Variants in RTF2 observed in about 807,000 individuals in gnomAD.
RTF2 encodes replication termination factor 2.
In RTF2, 18 loss-of-function variants were observed where a neutral mutation model predicts 38.0. The ratio of observed to expected loss-of-function variants is 0.47; its 90% CI spans 0.33 to 0.70. The LOEUF (loss-of-function observed/expected upper bound fraction) is 0.70. Ranked by LOEUF, RTF2 falls within the 30% of genes least tolerant of loss-of-function variation. The probability of loss-of-function intolerance (pLI) is 0.02; values close to 1 mark genes in which losing one functional copy is unlikely to be tolerated. For missense variants in RTF2, 311 were observed against 379.6 expected, an observed-to-expected ratio of 0.82 and a Z score of 1.50; for synonymous variants, 126 against 137.1, an observed-to-expected ratio of 0.92 and a Z score of 0.57.
chr20:56,517,877 G>A (rs1985151533), intron 8 of RTF2, among the ~76,000 whole-genome samples: 1 of 152,154 alleles, frequency 6.6e-6, no homozygotes, highest in African/African-American at 2.4e-5. Flanking sequence ...TGGGACCAGT[G>A]TCTGCGACAG....
At chr20:56,489,999 TTTTCCATATGTGC>T (rs1433210843) in intron 5 of RTF2, among the ~76,000 whole-genome samples, 1 of 152,188 alleles carries the variant, frequency 6.6e-6, no homozygotes, top group Non-Finnish European at 1.5e-5. Flanking sequence ...AGTCTTAATA[TTTTCCATATGTGC>T]TTTCCTTGGA....
In RTF2 at chr20:56,485,102, A is replaced by G. The variant is rs368157951; in HGVS notation, c.477+913A>G. ...ATTGGAGAGAGAGACCCTCAAGTAG[A>G]TGAGCAAGGCAGAATCGATTGTGAC... On this transcript the variant is annotated intron_variant, in intron 5 of 8. Transcript: ENST00000357348. Among the ~76,000 whole-genome samples the G allele has an allele frequency of 6.4e-4, 98 of 152,224 alleles. 2 individuals carry two copies. The South Asian group carries it at 0.018, about 27-fold the overall frequency.
chr20:56,513,041 T>C (rs1360925190), intron 5 of RTF2, among the ~76,000 whole-genome samples: 1 of 152,174 alleles, frequency 6.6e-6, no homozygotes, highest in Admixed American at 6.5e-5. Flanking sequence ...CAAGCTACTC[T>C]TGTCAGTTAA....
At chr20:56,499,630 A>C (rs146689146) in intron 5 of RTF2, among the ~76,000 whole-genome samples, 3 of 152,304 alleles carry the variant, frequency 2.0e-5, no homozygotes, top group African/African-American at 7.2e-5. Context: ...TCCTATAAGA[A>C]TTTTGATTAA....
chr20:56,491,682 G>C (rs1983149238), intron 5 of RTF2: 1 of 1,552,134 alleles, frequency 6.4e-7, no homozygotes, highest in Non-Finnish European at 8.7e-7. Context: ...ACCACAAGCG[G>C]GTCTGTCGAG....
chr20:56,486,986 G>A (rs541520974), intron 5 of RTF2, among the ~76,000 whole-genome samples: 4 of 152,264 alleles, frequency 2.6e-5, no homozygotes, highest in African/African-American at 4.8e-5. Context: ...GGAAACCTTC[G>A]AATGCCAGAA....
At chr20:56,510,196 T>C (rs182549658) in intron 5 of RTF2, among the ~76,000 whole-genome samples, 2 of 152,338 alleles carry the variant, frequency 1.3e-5, no homozygotes, top group Admixed American at 6.5e-5. Context: ...CTAAATATAC[T>C]AAAAGCCATT....
At chr20:56,477,755 C>T (rs989233454) in intron 4 of RTF2, among the ~76,000 whole-genome samples, 3 of 152,144 alleles carry the variant, frequency 2.0e-5, no homozygotes, top group African/African-American at 4.8e-5. Context: ...TGGCCTTTAA[C>T]GATCCTCCCA....
intron 5 of RTF2, among the ~76,000 whole-genome samples, chr20:56,506,559 T>C (rs556733367): frequency 3.3e-5 from 5 of 152,322 alleles, no homozygotes; most frequent in Admixed American, 3.3e-4. Context: ...CTGGCCTTTT[T>C]AAAAATACTT....
intron 4 of RTF2, among the ~76,000 whole-genome samples, chr20:56,483,275 T>C (rs1329106995): frequency 6.6e-6 from 1 of 152,202 alleles, no homozygotes; most frequent in Non-Finnish European, 1.5e-5. Context: ...AGTATTGTAC[T>C]GTGTTGTATC....
intron 4 of RTF2, 54 bp downstream of exon 4, chr20:56,477,178 T>C: frequency 6.3e-7 from 1 of 1,593,148 alleles, no homozygotes; most frequent in Non-Finnish European, 8.5e-7. Context: ...ATACTGCCGG[T>C]TTTGGTGGCA....
chr20:56,502,805 T>C (rs754987084), intron 5 of RTF2, among the ~76,000 whole-genome samples: 4 of 152,346 alleles, frequency 2.6e-5, no homozygotes, highest in Non-Finnish European at 4.4e-5. Context: ...ATATTGCATT[T>C]ACCTTATTAG....
At chr20:56,493,943 G>A (rs1983340589) in intron 5 of RTF2, among the ~76,000 whole-genome samples, 1 of 152,164 alleles carries the variant, frequency 6.6e-6, no homozygotes, top group Non-Finnish European at 1.5e-5. Context: ...GTGGTGGCAG[G>A]CGGTTGCTCC....
chr20:56,501,533 G>C (rs1246591043), intron 5 of RTF2, among the ~76,000 whole-genome samples: 2 of 152,166 alleles, frequency 1.3e-5, no homozygotes, highest in African/African-American at 2.4e-5. Context: ...CTGTTACCCT[G>C]TGTATTATGT....
At chr20:56,505,884 G>A (rs149668009) in intron 5 of RTF2, among the ~76,000 whole-genome samples, 2,563 of 152,052 alleles carry the variant, frequency 0.017, 88 homozygotes, top group African/African-American at 0.059. Context: ...ATAAATAAAA[G>A]GACATACGAT....
intron 5 of RTF2, among the ~76,000 whole-genome samples, chr20:56,505,329 T>C (rs1214759780): frequency 6.6e-6 from 1 of 151,592 alleles, no homozygotes; most frequent in African/African-American, 2.4e-5. Flanking sequence ...CTACAAAAAA[T>C]TCTTAAAAAT....
chr20:56,510,938 G>C (rs921165748), intron 5 of RTF2, among the ~76,000 whole-genome samples: 2 of 152,184 alleles, frequency 1.3e-5, no homozygotes, highest in South Asian at 2.1e-4. Context: ...GGGTGACTGA[G>C]TGAGACCCTG....
chr20:56,484,295 G>A, intron 5 of RTF2, 106 bp downstream of exon 5: 1 of 996,096 alleles, frequency 1.0e-6, no homozygotes, highest in East Asian at 2.4e-5. Context: ...GCTCTCATAA[G>A]TTGCTTTTCT....
rs57274640 is a variant in RTF2 at position 56,493,656 on chromosome 20, C to CA, written c.477+9483dup. Among the ~76,000 whole-genome samples, 742 of 117,984 alleles carry CA rather than the reference C, an allele frequency of 6.3e-3. 22 individuals carry two copies. The highest frequency in any genetic ancestry group is 0.013 in the African/African-American group (413 of 31,694). The allele number at this position is 117,984 out of a possible 152,430, so 77.4% of individuals were successfully genotyped here. On this transcript the variant is annotated intron_variant, in intron 5 of 8. Transcript: ENST00000357348. The stretch of plus-strand genomic sequence containing the variant: ...TGGGTGACAGAGCGAGACCCTGTCT[C>CA]AAAAAAAAAAAAAAAAGACTACAAA...
Sources: gnomAD v4.1 joint callset for allele counts (sites outside exome capture counted in the v4.1 genomes callset) on GRCh38, gnomAD v4.1.1 for gene constraint, MANE v1.5 for transcripts, NCBI Gene and HGNC (gene_info 2026-07-23, HGNC 2026-07-21) for gene names.